STXBP5L: variants seen among roughly 807,000 people sequenced by gnomAD.
STXBP5L encodes the protein syntaxin binding protein 5L.
A neutral mutation model predicts 144.5 loss-of-function variants in STXBP5L; 65 were observed. The ratio of observed to expected loss-of-function variants is 0.45; its 90% CI spans 0.37 to 0.55. The LOEUF (loss-of-function observed/expected upper bound fraction) is 0.55, where lower values mean the gene tolerates loss of function less well. Among genes scored for constraint, STXBP5L ranks in the 20% least tolerant of loss-of-function variants. STXBP5L has a pLI of 0.00. For missense variants in STXBP5L, 1,298 were observed against 1,405.5 expected, an observed-to-expected ratio of 0.92 and a Z score of 1.22; for synonymous variants, 505 against 469.6, an observed-to-expected ratio of 1.08 and a Z score of -0.97.
intron 7 of STXBP5L, among the ~76,000 whole-genome samples, chr3:121,123,033 C>A (rs1322432078): frequency 6.6e-6 from 1 of 151,236 alleles, no homozygotes; most frequent in Non-Finnish European, 1.5e-5. Flanking sequence ...AATAAGCCTA[C>A]CAAAAAAGAT....
At chr3:120,961,197 G>GT (rs138331318) in intron 3 of STXBP5L, among the ~76,000 whole-genome samples, 55,074 of 144,110 alleles carry the variant, frequency 0.38, 10,596 homozygotes, top group Non-Finnish European at 0.41. Flanking sequence ...ATTTTATTTA[G>GT]TTTTTTTTTT....
At chr3:121,334,679 G>T (rs2044443295) in intron 20 of STXBP5L, among the ~76,000 whole-genome samples, 1 of 152,182 alleles carries the variant, frequency 6.6e-6, no homozygotes, top group Non-Finnish European at 1.5e-5. Flanking sequence ...TGCAAGGTAG[G>T]TCCGACATAT....
intron 18 of STXBP5L, among the ~76,000 whole-genome samples, chr3:121,265,520 G>A (rs1236039916): frequency 6.6e-6 from 1 of 152,106 alleles, no homozygotes; most frequent in Admixed American, 6.5e-5. Context: ...GAGAAAGCAG[G>A]AAAGATCTAA....
At chr3:121,403,791 A>G (rs963714686) in intron 22 of STXBP5L, among the ~76,000 whole-genome samples, 3 of 152,176 alleles carry the variant, frequency 2.0e-5, no homozygotes, top group African/African-American at 7.2e-5. Flanking sequence ...CGTATTACAC[A>G]GGCTACCATT....
At chr3:121,333,055 C>T (rs1296718941) in intron 20 of STXBP5L, among the ~76,000 whole-genome samples, 1 of 152,044 alleles carries the variant, frequency 6.6e-6, no homozygotes, top group Non-Finnish European at 1.5e-5. Context: ...CACTACCACA[C>T]CAGCCCTATA....
At chr3:121,224,728 C>A (rs1320582955) in intron 11 of STXBP5L, among the ~76,000 whole-genome samples, 3 of 152,036 alleles carry the variant, frequency 2.0e-5, no homozygotes, top group Admixed American at 1.3e-4. Context: ...GTTTAGGGAA[C>A]AGAAGAAGAG....
intron 9 of STXBP5L, among the ~76,000 whole-genome samples, chr3:121,199,395 GT>G (rs1291926185): frequency 5.9e-5 from 9 of 152,240 alleles, no homozygotes; most frequent in African/African-American, 2.2e-4. Flanking sequence ...AGATGATGGG[GT>G]TTTCTAAATA....
At chr3:121,288,581 T>C (rs1479482788) in intron 19 of STXBP5L, among the ~76,000 whole-genome samples, 1 of 152,216 alleles carries the variant, frequency 6.6e-6, no homozygotes, top group Non-Finnish European at 1.5e-5. Context: ...TTTGCATTTT[T>C]CTAATGATTG....
intron 5 of STXBP5L, among the ~76,000 whole-genome samples, chr3:121,046,240 T>A (rs1947508406): frequency 6.6e-6 from 1 of 152,190 alleles, no homozygotes; most frequent in Non-Finnish European, 1.5e-5. Context: ...ATTAGCTTTT[T>A]CACGTGCTGC....
chr3:120,929,683 T>TATATA (rs547266020), intron 2 of STXBP5L, among the ~76,000 whole-genome samples: 162 of 152,290 alleles, frequency 1.1e-3, no homozygotes, highest in African/African-American at 3.6e-3. Flanking sequence ...AGTCTTTATA[T>TATATA]ATCTTGTTGA....
chr3:121,056,188 A>T (rs952179869), intron 5 of STXBP5L, among the ~76,000 whole-genome samples: 1 of 152,154 alleles, frequency 6.6e-6, no homozygotes, highest in Non-Finnish European at 1.5e-5. Flanking sequence ...GGAAGAAAAA[A>T]TGTCTTGATT....
chr3:121,042,832 G>C (rs1947252603), intron 4 of STXBP5L, among the ~76,000 whole-genome samples: 1 of 151,528 alleles, frequency 6.6e-6, no homozygotes, highest in Non-Finnish European at 1.5e-5. Context: ...CTTGCTATGG[G>C]GTACTGAAAT....
intron 3 of STXBP5L, among the ~76,000 whole-genome samples, chr3:121,026,848 A>T (rs1191682464): frequency 2.6e-5 from 4 of 151,646 alleles, no homozygotes; most frequent in Admixed American, 6.6e-5. Flanking sequence ...AAGTATTATT[A>T]AAAAATATAT....
chr3:121,366,269 G>C (rs991119217), intron 20 of STXBP5L, among the ~76,000 whole-genome samples: 2 of 151,836 alleles, frequency 1.3e-5, no homozygotes, highest in African/African-American at 4.8e-5. Context: ...ATCACTGTTA[G>C]ATCTAGTTGG....
At chr3:121,298,960 A>G (rs2051774792) in intron 19 of STXBP5L, among the ~76,000 whole-genome samples, 1 of 152,172 alleles carries the variant, frequency 6.6e-6, no homozygotes, top group South Asian at 2.1e-4. Flanking sequence ...TGTAGAGTTA[A>G]GTGTCTTTGG....
At chr3:121,290,720 G>C (rs1332400345) in intron 19 of STXBP5L, among the ~76,000 whole-genome samples, 6 of 152,294 alleles carry the variant, frequency 3.9e-5, no homozygotes, top group African/African-American at 1.4e-4. Flanking sequence ...AATCAAGTGG[G>C]TTTCATACCA....
chr3:121,317,942 A>G (rs888069954), intron 19 of STXBP5L, among the ~76,000 whole-genome samples: 1 of 152,122 alleles, frequency 6.6e-6, no homozygotes, highest in Non-Finnish European at 1.5e-5. Flanking sequence ...CAATAATCAT[A>G]TCTCCTGAGA....
chr3:120,979,540 G>A (rs1381907345), intron 3 of STXBP5L, among the ~76,000 whole-genome samples: 5 of 152,156 alleles, frequency 3.3e-5, no homozygotes, highest in Non-Finnish European at 7.4e-5. Context: ...CTCACGCACA[G>A]TGCACTGCAC....
At chr3:121,020,219 C>T (rs376971620) in intron 3 of STXBP5L, among the ~76,000 whole-genome samples, 1 of 151,758 alleles carries the variant, frequency 6.6e-6, no homozygotes, top group African/African-American at 2.4e-5. Flanking sequence ...TCCAATCCAA[C>T]AAAGACAAAG....
Sources: allele counts gnomAD v4.1 joint callset (sites outside exome capture counted in the v4.1 genomes callset), GRCh38; gene constraint gnomAD v4.1.1; transcripts MANE v1.5; gene names NCBI Gene and HGNC (gene_info 2026-07-23, HGNC 2026-07-21).